The following PTPRT variants were observed in gnomAD, a reference collection of about 807,000 sequenced individuals.
PTPRT encodes the protein receptor-type tyrosine-protein phosphatase T.
A neutral mutation model predicts 176.8 loss-of-function variants in PTPRT; 56 were observed. That is an observed-to-expected ratio of 0.32 (90% CI 0.26 to 0.40). The LOEUF is 0.40. Ranked by LOEUF, PTPRT falls within the 10% of genes least tolerant of loss-of-function variation. The pLI is 1.00. For missense variants in PTPRT, 1,540 were observed against 1,908.2 expected (o/e 0.81, Z 3.60); for synonymous variants, 783 against 739.0 (o/e 1.06, Z -0.96).
chr20:42,681,101 G>A (rs1256854839), intron 6 of PTPRT, among the ~76,000 whole-genome samples: 3 of 152,168 alleles, frequency 2.0e-5, no homozygotes, highest in African/African-American at 7.2e-5. Context: ...CAAAGAGAGA[G>A]AAGCAAAAAT....
intron 7 of PTPRT, among the ~76,000 whole-genome samples, chr20:42,517,233 A>ATT (rs200486020): frequency 4.6e-5 from 7 of 150,952 alleles, no homozygotes; most frequent in African/African-American, 1.7e-4. Context: ...GACTGCTCAG[A>ATT]TTTTTTTTTC....
intron 2 of PTPRT, among the ~76,000 whole-genome samples, chr20:42,844,544 A>G (rs1043278808): frequency 6.6e-6 from 1 of 152,132 alleles, no homozygotes; most frequent in African/African-American, 2.4e-5. Flanking sequence ...GTCTTGGTCA[A>G]AAAAACAATT....
intron 1 of PTPRT, among the ~76,000 whole-genome samples, chr20:42,935,937 A>G (rs1232493810): frequency 2.0e-5 from 3 of 152,208 alleles, no homozygotes; most frequent in Admixed American, 1.3e-4. Context: ...TAATAGAGAC[A>G]GAGTTTGTCC....
At chr20:42,197,523 C>A (rs1991278769) in intron 16 of PTPRT, among the ~76,000 whole-genome samples, 2 of 148,940 alleles carry the variant, frequency 1.3e-5, no homozygotes, top group Admixed American at 6.7e-5. Context: ...AAATAACAAA[C>A]AAATAAGCAA....
At chr20:42,168,875 A>G (rs1264940299) in intron 16 of PTPRT, among the ~76,000 whole-genome samples, 3 of 152,212 alleles carry the variant, frequency 2.0e-5, no homozygotes, top group Admixed American at 6.5e-5. Context: ...CTCTTACTCA[A>G]TGTAACAACA....
At chr20:42,700,832 A>G (rs2075964008) in intron 6 of PTPRT, among the ~76,000 whole-genome samples, 2 of 152,172 alleles carry the variant, frequency 1.3e-5, no homozygotes, top group African/African-American at 4.8e-5. Context: ...CTTATTTTTT[A>G]GGAGCGTAAT....
At chr20:42,319,934 T>C (rs928838298) in intron 11 of PTPRT, among the ~76,000 whole-genome samples, 1 of 152,154 alleles carries the variant, frequency 6.6e-6, no homozygotes, top group Non-Finnish European at 1.5e-5. Context: ...ATTTTTTTAG[T>C]AGGAAAAATC....
chr20:42,392,251 T>C (rs536079813), intron 9 of PTPRT, among the ~76,000 whole-genome samples: 1 of 152,334 alleles, frequency 6.6e-6, no homozygotes, highest in Non-Finnish European at 1.5e-5. Flanking sequence ...TTGCATGAAA[T>C]GTCTTTGTTT....
chr20:42,244,996 T>G (rs187853230), intron 14 of PTPRT, among the ~76,000 whole-genome samples: 2 of 152,160 alleles, frequency 1.3e-5, no homozygotes, highest in Non-Finnish European at 2.9e-5. Context: ...GGGACGAAGA[T>G]GATCAGGACT....
intron 6 of PTPRT, among the ~76,000 whole-genome samples, chr20:42,707,310 C>T (rs896841804): frequency 6.6e-5 from 10 of 152,090 alleles, no homozygotes; most frequent in Admixed American, 4.6e-4. Context: ...GTTATACGGG[C>T]CCTGTATAAT....
At chr20:42,696,291 A>C (rs966731723) in intron 6 of PTPRT, among the ~76,000 whole-genome samples, 4 of 134,710 alleles carry the variant, frequency 3.0e-5, no homozygotes, top group African/African-American at 5.7e-5. Flanking sequence ...CTCCCTTTTT[A>C]TCTTTCTGTT....
At chr20:42,872,213 G>A (rs1015480554) in intron 2 of PTPRT, among the ~76,000 whole-genome samples, 1 of 152,240 alleles carries the variant, frequency 6.6e-6, no homozygotes, top group East Asian at 1.9e-4. Flanking sequence ...TCAGCACAGA[G>A]CACAGTGTCA....
At chr20:42,804,363 T>C (rs998946863) in intron 2 of PTPRT, among the ~76,000 whole-genome samples, 1 of 152,164 alleles carries the variant, frequency 6.6e-6, no homozygotes, top group Non-Finnish European at 1.5e-5. Flanking sequence ...CAACCATCTC[T>C]TGGGTTCCCC....
intron 1 of PTPRT, among the ~76,000 whole-genome samples, chr20:43,006,578 C>G (rs1304915829): frequency 6.6e-6 from 1 of 152,156 alleles, no homozygotes; most frequent in African/African-American, 2.4e-5. Flanking sequence ...CCCTATTCTC[C>G]CCGGGGGCTG....
intron 6 of PTPRT, among the ~76,000 whole-genome samples, chr20:42,695,043 G>A (rs1339514788): frequency 1.3e-5 from 2 of 152,098 alleles, no homozygotes; most frequent in Admixed American, 6.5e-5. Context: ...GCGGGAGGGT[G>A]AAATATCTCA....
chr20:42,615,850 T>C (rs1240119199), intron 7 of PTPRT, among the ~76,000 whole-genome samples: 3 of 113,714 alleles, frequency 2.6e-5, no homozygotes, highest in Admixed American at 2.4e-4. Context: ...CTTTGTCAGA[T>C]GAGTAGGTTG....
intron 1 of PTPRT, among the ~76,000 whole-genome samples, chr20:43,084,207 T>C (rs762062622): frequency 6.6e-6 from 1 of 152,216 alleles, no homozygotes. Flanking sequence ...AAAGTGGCCA[T>C]GCCATTGTAC....
intron 5 of PTPRT, among the ~76,000 whole-genome samples, chr20:42,758,405 A>G (rs2076867448): frequency 6.6e-6 from 1 of 152,124 alleles, no homozygotes; most frequent in South Asian, 2.1e-4. Flanking sequence ...GGAGACCAAT[A>G]CCAGGGGAAG....
At chr20:42,221,758 A>G (rs1390249306) in intron 15 of PTPRT, among the ~76,000 whole-genome samples, 1 of 151,978 alleles carries the variant, frequency 6.6e-6, no homozygotes, top group East Asian at 1.9e-4. Flanking sequence ...ACCTCAAGTG[A>G]TCCACCCACC....
Sources: allele counts gnomAD v4.1 joint callset (sites outside exome capture counted in the v4.1 genomes callset), GRCh38; gene constraint gnomAD v4.1.1; transcripts MANE v1.5; gene names NCBI Gene and HGNC (gene_info 2026-07-23, HGNC 2026-07-21).